Variants in CCSER1 observed in about 807,000 individuals in gnomAD.
CCSER1 encodes the protein coiled-coil serine rich protein 1.
In CCSER1, 41 loss-of-function variants were observed where a neutral mutation model predicts 82.0. That is an observed-to-expected ratio of 0.50 (90% CI 0.39 to 0.65). The LOEUF (loss-of-function observed/expected upper bound fraction) is 0.65. Ranked by LOEUF, CCSER1 falls within the 30% of genes least tolerant of loss-of-function variation. The pLI, the probability that CCSER1 is intolerant of heterozygous loss-of-function variation, is 0.00. For synonymous variants in CCSER1, 414 were observed against 383.9 expected (o/e 1.08, Z -0.92); for missense variants, 1,119 against 1,064.2 (o/e 1.05, Z -0.72).
At chr4:90,408,637 C>T (rs1754144870) in intron 4 of CCSER1, among the ~76,000 whole-genome samples, 1 of 152,176 alleles carries the variant, frequency 6.6e-6, no homozygotes, top group Admixed American at 6.5e-5. Context: ...ATCTGTACGT[C>T]ACCATCATCA....
chr4:90,555,713 C>G (rs1264822532), intron 5 of CCSER1, among the ~76,000 whole-genome samples: 1 of 151,912 alleles, frequency 6.6e-6, no homozygotes, highest in Non-Finnish European at 1.5e-5. Flanking sequence ...TCTTTGAATT[C>G]ACAAATTGGA....
chr4:90,623,023 ATTTTTTT>A (rs35838784), intron 5 of CCSER1, among the ~76,000 whole-genome samples: 8 of 112,632 alleles, frequency 7.1e-5, no homozygotes, highest in African/African-American at 2.5e-4. Context: ...TGGGTAAAGG[ATTTTTTT>A]TTTTTTTTTT....
At chr4:90,484,209 G>A (rs532552150) in intron 5 of CCSER1, among the ~76,000 whole-genome samples, 203 of 152,220 alleles carry the variant, frequency 1.3e-3, no homozygotes, top group African/African-American at 4.5e-3. Context: ...CTCGTGCGTG[G>A]TTTTTGGCTC....
chr4:91,425,984 AC>A (rs1578422334), intron 10 of CCSER1, among the ~76,000 whole-genome samples: 1 of 152,076 alleles, frequency 6.6e-6, no homozygotes, highest in Admixed American at 6.5e-5. Context: ...GGTTTGCTGC[AC>A]CCATCAACCC....
chr4:91,589,246 A>C (rs1472960583), intron 10 of CCSER1, among the ~76,000 whole-genome samples: 1 of 151,880 alleles, frequency 6.6e-6, no homozygotes, highest in Admixed American at 6.6e-5. Context: ...TACAGAGTAA[A>C]ATTACTTGTA....
chr4:91,247,117 C>T (rs771683510), intron 10 of CCSER1, among the ~76,000 whole-genome samples: 92 of 151,880 alleles, frequency 6.1e-4, no homozygotes, highest in Non-Finnish European at 8.4e-4. Flanking sequence ...CTGGCTAACA[C>T]GGTGAAACCC....
At chr4:90,538,420 G>A (rs940929840) in intron 5 of CCSER1, among the ~76,000 whole-genome samples, 3 of 151,658 alleles carry the variant, frequency 2.0e-5, no homozygotes, top group African/African-American at 7.3e-5. Context: ...TATTTGCAGG[G>A]GATATTATGG....
At chr4:90,157,182 A>T (rs1728393176) in intron 1 of CCSER1, among the ~76,000 whole-genome samples, 1 of 152,146 alleles carries the variant, frequency 6.6e-6, no homozygotes, top group African/African-American at 2.4e-5. Flanking sequence ...TCTTTTCTTT[A>T]AGAATGTTGA....
intron 9 of CCSER1, among the ~76,000 whole-genome samples, chr4:91,068,010 A>G (rs1311792466): frequency 6.6e-6 from 1 of 152,206 alleles, no homozygotes; most frequent in Non-Finnish European, 1.5e-5. Flanking sequence ...CATGGAATTT[A>G]TTTAATTAGC....
chr4:91,073,854 T>C (rs1721683555), intron 9 of CCSER1, among the ~76,000 whole-genome samples: 1 of 152,054 alleles, frequency 6.6e-6, no homozygotes, highest in South Asian at 2.1e-4. Flanking sequence ...GATACTAGAT[T>C]TTACCACTCT....
chr4:91,153,557 G>A (rs762466575), intron 10 of CCSER1, among the ~76,000 whole-genome samples: 10 of 151,874 alleles, frequency 6.6e-5, no homozygotes, highest in Non-Finnish European at 1.3e-4. Flanking sequence ...CCTGTTGCTG[G>A]CAAGGAGCTG....
Position 90,932,998 on chromosome 4 carries a change from A to AAG in CCSER1, c.2172+9553_2172+9554dup, listed in dbSNP as rs1561385410. The stretch of plus-strand genomic sequence containing the variant: ...AGAAAGAAAGAGAAAGAAAGAAAGA[A>AAG]AGAAAGAAAGAAAGAAAGAAAGAAA... On this transcript the variant is annotated intron_variant, in intron 9 of 10. Coordinates refer to ENST00000509176, the MANE Select transcript of CCSER1 (RefSeq NM_001145065.2). Among the ~76,000 whole-genome samples, 120 of 72,018 alleles carry AAG rather than the reference A, an allele frequency of 1.7e-3. 25 individuals carry two copies. The highest frequency in any genetic ancestry group is 9.2e-3 in the African/African-American group (93 of 10,112). 47.2% of individuals were successfully genotyped at this position (72,018 alleles called of 152,430 possible).
At chr4:91,223,440 G>A (rs944771848) in intron 10 of CCSER1, among the ~76,000 whole-genome samples, 11 of 152,100 alleles carry the variant, frequency 7.2e-5, no homozygotes, top group African/African-American at 2.4e-4. Context: ...GTATAATAAA[G>A]AATTAATAAT....
chr4:90,691,585 T>C (rs1735926204), intron 6 of CCSER1, among the ~76,000 whole-genome samples: 1 of 108,648 alleles, frequency 9.2e-6, no homozygotes. Flanking sequence ...ATAATGCATG[T>C]GAATATATCA....
At chr4:90,413,607 G>C (rs1391812922) in intron 4 of CCSER1, among the ~76,000 whole-genome samples, 1 of 152,034 alleles carries the variant, frequency 6.6e-6, no homozygotes, top group Non-Finnish European at 1.5e-5. Flanking sequence ...TGAATGTTTA[G>C]TTTTTGCTGA....
At chr4:90,294,954 C>T (rs1355905951) in intron 1 of CCSER1, among the ~76,000 whole-genome samples, 4 of 151,630 alleles carry the variant, frequency 2.6e-5, no homozygotes, top group African/African-American at 7.3e-5. Flanking sequence ...AAATGTATTC[C>T]GAATAGTATA....
At chr4:90,813,186 G>A (rs539351873) in intron 7 of CCSER1, among the ~76,000 whole-genome samples, 1 of 152,348 alleles carries the variant, frequency 6.6e-6, no homozygotes, top group Non-Finnish European at 1.5e-5. Flanking sequence ...TACAATGGAG[G>A]TACAGGCAAT....
chr4:90,710,208 T>C (rs537499136), intron 6 of CCSER1, among the ~76,000 whole-genome samples: 3 of 152,272 alleles, frequency 2.0e-5, no homozygotes, highest in South Asian at 4.1e-4. Context: ...CTTTGTCAGA[T>C]GGATAGATTG....
chr4:90,230,012 A>G (rs6532221), intron 1 of CCSER1, among the ~76,000 whole-genome samples: 98,879 of 151,532 alleles, frequency 0.65, 34,737 homozygotes, highest in African/African-American at 0.91. Flanking sequence ...ACTCCCACAC[A>G]ATAATAATGG....
Sources: gnomAD v4.1 joint callset for allele counts (sites outside exome capture counted in the v4.1 genomes callset) on GRCh38, gnomAD v4.1.1 for gene constraint, MANE v1.5 for transcripts, NCBI Gene and HGNC (gene_info 2026-07-23, HGNC 2026-07-21) for gene names.